ORC5: variants seen among roughly 807,000 people sequenced by gnomAD.
ORC5 encodes protein phosphatase 1, regulatory subunit 117.
A neutral mutation model predicts 58.8 loss-of-function variants in ORC5; 39 were observed. The ratio of observed to expected loss-of-function variants is 0.66; its 90% confidence interval spans 0.51 to 0.87. ORC5 has a LOEUF of 0.87. ORC5 is among the 40% of genes least tolerant of loss of function. The pLI is 0.00. For synonymous variants in ORC5, 218 were observed against 177.6 expected (o/e 1.23, Z -1.81); for missense variants, 493 against 506.3 (o/e 0.97, Z 0.25).
chr7:104,139,168 G>A (rs886947767), intron 12 of ORC5, among the ~76,000 whole-genome samples: 1 of 152,128 alleles, frequency 6.6e-6, no homozygotes, highest in African/African-American at 2.4e-5. Context: ...CTAATCATGT[G>A]TCTTAGGAAT....
At chr7:104,153,672 C>T (rs890044203) in intron 12 of ORC5, among the ~76,000 whole-genome samples, 5 of 152,060 alleles carry the variant, frequency 3.3e-5, no homozygotes, top group African/African-American at 7.2e-5. Context: ...GAGCTCTTCA[C>T]GTTTCTAATA....
At chr7:104,158,263 G>GCT (rs1256042930) in intron 12 of ORC5, among the ~76,000 whole-genome samples, 3 of 151,990 alleles carry the variant, frequency 2.0e-5, no homozygotes, top group African/African-American at 7.3e-5. Flanking sequence ...TGGGAAAACT[G>GCT]GCTAGCCATA....
chr7:104,203,319 A>G (rs913760141), intron 2 of ORC5, among the ~76,000 whole-genome samples: 78 of 152,202 alleles, frequency 5.1e-4, no homozygotes, highest in African/African-American at 1.8e-3. Context: ...CCATTCACAT[A>G]GAGAATGCCC....
intron 8 of ORC5, among the ~76,000 whole-genome samples, chr7:104,169,467 T>A (rs1799170990): frequency 6.6e-6 from 1 of 152,106 alleles, no homozygotes. Context: ...AAGAATGCCC[T>A]ACGACAGTTT....
At chr7:104,163,393 T>G (rs924430621) in intron 11 of ORC5, among the ~76,000 whole-genome samples, 11 of 152,222 alleles carry the variant, frequency 7.2e-5, no homozygotes, top group Non-Finnish European at 1.5e-4. Context: ...CATATCACTA[T>G]GAGATGAAAG....
At chr7:104,134,715 C>G (rs1304055304) in intron 13 of ORC5, among the ~76,000 whole-genome samples, 2 of 152,074 alleles carry the variant, frequency 1.3e-5, no homozygotes, top group African/African-American at 4.8e-5. Flanking sequence ...CCAGGGGAAG[C>G]AGCATCCCAA....
At chr7:104,161,955 CAATTACAG>C (rs1799032484) in intron 11 of ORC5, among the ~76,000 whole-genome samples, 1 of 152,056 alleles carries the variant, frequency 6.6e-6, no homozygotes, top group East Asian at 1.9e-4. Flanking sequence ...CTAAAAAGAT[CAATTACAG>C]TAAGTCGTAG....
chr7:104,204,875 T>TA (rs1337117553), intron 1 of ORC5, among the ~76,000 whole-genome samples: 1 of 152,098 alleles, frequency 6.6e-6, no homozygotes, highest in Non-Finnish European at 1.5e-5. Flanking sequence ...GAAAAGTAAA[T>TA]ATTGTCAAAG....
intron 4 of ORC5, among the ~76,000 whole-genome samples, chr7:104,196,591 C>T (rs2116060880): frequency 6.6e-6 from 1 of 152,264 alleles, no homozygotes; most frequent in African/African-American, 2.4e-5. Flanking sequence ...TCAGTGGCCT[C>T]TCTAAACTTC....
intron 12 of ORC5, among the ~76,000 whole-genome samples, chr7:104,150,744 C>A (rs6944653): frequency 2.0e-5 from 3 of 151,938 alleles, no homozygotes; most frequent in African/African-American, 7.3e-5. Context: ...ATCATTCAAT[C>A]AATGACTCTC....
At position 104,134,960 on chromosome 7, in the gene ORC5, C is replaced by A. The variant is rs186490732; in HGVS notation, c.1262+1821G>T. On this transcript the variant is annotated intron_variant, in intron 13 of 13. Coordinates refer to ENST00000297431, the MANE Select transcript of ORC5 (RefSeq NM_002553.4). ...AAGAAAACAAAAGAAAGTTACAGAG[C>A]CCCCAAGTTCTATGTCAAGATTCCA... Among the ~76,000 whole-genome samples, 267 of 152,212 alleles carry A rather than the reference C, an allele frequency of 1.8e-3. 1 individual carries two copies. Among genetic ancestry groups the A allele is most frequent in the African/African-American group, 6.1e-3 (254 of 41,534 alleles).
chr7:104,137,104 T>TC (rs1202694783), intron 12 of ORC5, among the ~76,000 whole-genome samples: 1 of 147,646 alleles, frequency 6.8e-6, no homozygotes, highest in African/African-American at 2.6e-5. Flanking sequence ...CTAGTTTTGT[T>TC]TTTTTTTTTT....
intron 5 of ORC5, among the ~76,000 whole-genome samples, chr7:104,189,414 C>T (rs911440566): frequency 6.6e-6 from 1 of 152,032 alleles, no homozygotes; most frequent in Non-Finnish European, 1.5e-5. Context: ...ATTCAATTAC[C>T]TTCCAACAGG....
chr7:104,168,158 CATA>C (rs1206936355), intron 9 of ORC5: 18 of 542,862 alleles, frequency 3.3e-5, no homozygotes, highest in South Asian at 7.5e-5. Flanking sequence ...GAAATATAAA[CATA>C]ATGAGATAAA....
chr7:104,198,978 G>A (rs1006751265), intron 3 of ORC5, among the ~76,000 whole-genome samples: 9 of 152,240 alleles, frequency 5.9e-5, no homozygotes, highest in Non-Finnish European at 8.8e-5. Flanking sequence ...CCCAAGCCTT[G>A]GCGGCTTACA....
chr7:104,158,843 G>A (rs1798974032), intron 12 of ORC5, among the ~76,000 whole-genome samples: 1 of 151,902 alleles, frequency 6.6e-6, no homozygotes, highest in Non-Finnish European at 1.5e-5. Flanking sequence ...TGCTGGAGAG[G>A]ATGTGGAGAA....
intron 5 of ORC5, among the ~76,000 whole-genome samples, chr7:104,193,265 T>C (rs1240057359): frequency 1.3e-5 from 2 of 152,146 alleles, no homozygotes; most frequent in South Asian, 2.1e-4. Context: ...TAGTATTACA[T>C]GGTTTATAAT....
chr7:104,186,311 T>C (rs1370369020), intron 6 of ORC5, among the ~76,000 whole-genome samples: 2 of 151,980 alleles, frequency 1.3e-5, no homozygotes, highest in African/African-American at 2.4e-5. Context: ...TTTTTTACAC[T>C]CAGGTTCTGC....
intron 5 of ORC5, among the ~76,000 whole-genome samples, chr7:104,193,456 T>C (rs746607438): frequency 7.9e-5 from 12 of 152,124 alleles, no homozygotes; most frequent in African/African-American, 2.6e-4. Flanking sequence ...ATATCCATCA[T>C]TGAAAGATGA....
Sources: gnomAD v4.1 joint callset for allele counts (sites outside exome capture counted in the v4.1 genomes callset) on GRCh38, gnomAD v4.1.1 for gene constraint, MANE v1.5 for transcripts, NCBI Gene and HGNC (gene_info 2026-07-23, HGNC 2026-07-21) for gene names.